The following CRYAB variants were observed in gnomAD, a reference collection of about 807,000 sequenced individuals.
The protein encoded by CRYAB is crystallin alpha B, also known as alpha-crystallin B chain.
A neutral mutation model predicts 12.7 loss-of-function variants in CRYAB; 9 were observed. The observed-to-expected ratio is 0.71, with a 90% CI of 0.43 to 1.24. The LOEUF (loss-of-function observed/expected upper bound fraction) is 1.24. Among genes scored for constraint, CRYAB ranks in the 50% most tolerant of loss-of-function variants. The pLI, the probability that CRYAB is intolerant of heterozygous loss-of-function variation, is 0.00. For synonymous variants in CRYAB, 93 were observed against 86.8 expected (o/e 1.07, Z -0.40); for missense variants, 183 against 226.6 (o/e 0.81, Z 1.24).
At chr11:111,913,847 G>A (rs375687384), upstream of CRYAB, 24 of 1,613,426 alleles carry the variant, frequency 1.5e-5, no homozygotes, top group Middle Eastern at 3.3e-4. Flanking sequence ...TGCTCCCTGC[G>A]CCTCCTGATC....
upstream of CRYAB, chr11:111,913,008 C>A (rs1204532518): frequency 2.0e-6 from 2 of 1,014,228 alleles, no homozygotes; most frequent in Non-Finnish European, 3.0e-6. Context: ...GGCCTCCACC[C>A]CACTCTGGGC....
chr11:111,915,090 A>T (rs1965577947), upstream of CRYAB, among the ~76,000 whole-genome samples: 1 of 152,122 alleles, frequency 6.6e-6, no homozygotes, highest in Admixed American at 6.5e-5. Context: ...AATTGAATTG[A>T]ATTAAATTAA....
At chr11:111,922,410 T>C (rs1479604157) in intron 1 of CRYAB, among the ~76,000 whole-genome samples, 2 of 152,358 alleles carry the variant, frequency 1.3e-5, no homozygotes, top group East Asian at 3.9e-4. Context: ...TCTTTATTGT[T>C]ATTGTTTCTG....
chr11:111,912,734 C>A, upstream of CRYAB: 1 of 932,180 alleles, frequency 1.1e-6, no homozygotes, highest in East Asian at 2.7e-5. Flanking sequence ...CCGCCCCCAC[C>A]TCCTATCGAG....
chr11:111,914,765 C>A (rs1384298049), upstream of CRYAB, among the ~76,000 whole-genome samples: 2 of 152,172 alleles, frequency 1.3e-5, no homozygotes, highest in Non-Finnish European at 2.9e-5. Context: ...TAGATACCTA[C>A]AATTCTTCCA....
chr11:111,921,723 G>C (rs1224439395), intron 1 of CRYAB, among the ~76,000 whole-genome samples: 5 of 152,080 alleles, frequency 3.3e-5, no homozygotes, highest in African/African-American at 1.2e-4. Flanking sequence ...GTCATTAGTG[G>C]TCAACTTTTA....
chr11:111,919,004 G>GGTGA, intron 1 of CRYAB: 2 of 1,614,190 alleles, frequency 1.2e-6, no homozygotes, highest in Non-Finnish European at 1.7e-6. Flanking sequence ...GGAGGAAGCT[G>GGTGA]GTGAGTAGGC....
chr11:111,914,200 G>A (rs369963032), upstream of CRYAB: 2 of 309,164 alleles, frequency 6.5e-6, no homozygotes, highest in South Asian at 7.5e-5. Context: ...TGTGCCCAAC[G>A]TCATAGGACC....
chr11:111,921,811 T>A (rs1555166589), intron 1 of CRYAB, among the ~76,000 whole-genome samples: 1 of 152,054 alleles, frequency 6.6e-6, no homozygotes, highest in Non-Finnish European at 1.5e-5. Flanking sequence ...AATAATCCCA[T>A]GAGGTCTGAA....
chr11:111,913,817 C>G, upstream of CRYAB: 1 of 1,614,172 alleles, frequency 6.2e-7, no homozygotes, highest in African/African-American at 1.3e-5. Flanking sequence ...ACACAGAGGT[C>G]AATGAGGTCT....
upstream of CRYAB, chr11:111,913,920 A>T (rs1555165935): frequency 1.9e-6 from 3 of 1,571,956 alleles, no homozygotes. Flanking sequence ...GCACCCAGCA[A>T]ATCCCTCTCT....
chr11:111,910,742 C>T, intron 1 of CRYAB: 1 of 472,382 alleles, frequency 2.1e-6, no homozygotes, highest in Non-Finnish European at 3.9e-6. Context: ...CATCTGCTGC[C>T]TCTCTGACTC....
At chr11:111,912,924 G>A, upstream of CRYAB, 2 of 1,597,334 alleles carry the variant, frequency 1.3e-6, no homozygotes, top group East Asian at 2.3e-5. Flanking sequence ...TTCGGAGAAG[G>A]TATGGCACAG....
In CRYAB at chr11:111,910,314, A is replaced by C. The variant is rs370222107; in HGVS notation, c.324+13T>G. 1 of 1,614,184 alleles carries C rather than the reference A, an allele frequency of 6.2e-7. No individual in the cohort carries two copies. Among genetic ancestry groups the C allele is most frequent in the Non-Finnish European group, 8.5e-7 (1 of 1,180,044 alleles). On this transcript the variant is annotated intron_variant, in intron 2 of 2. Coordinates refer to ENST00000650687, the MANE Select transcript of CRYAB (RefSeq NM_001289808.2). The stretch of plus-strand genomic sequence containing the variant: ...GAATGAATGAGCAGAAAACAAAAAA[A>C]CAAGCTACATACCTGGCGCTCTTCA...
chr11:111,919,698 G>A (rs978086639), intron 1 of CRYAB, among the ~76,000 whole-genome samples: 2 of 152,102 alleles, frequency 1.3e-5, no homozygotes, highest in Non-Finnish European at 2.9e-5. Flanking sequence ...GAGGTAAATG[G>A]TTTTGCCCCT....
chr11:111,913,534 G>A (rs782777418), upstream of CRYAB: 16 of 1,614,006 alleles, frequency 9.9e-6, no homozygotes, highest in Non-Finnish European at 1.4e-5. Context: ...AGCAGGGCAG[G>A]GGCCTCCGAG....
chr11:111,912,768 G>A, upstream of CRYAB: 1 of 1,348,198 alleles, frequency 7.4e-7, no homozygotes, highest in South Asian at 1.3e-5. Context: ...GGCAGCTGGA[G>A]GGGTCGCGCT....
chr11:111,915,066 C>A (rs1965577049), upstream of CRYAB, among the ~76,000 whole-genome samples: 1 of 151,842 alleles, frequency 6.6e-6, no homozygotes, highest in African/African-American at 2.4e-5. Flanking sequence ...TGAGACCCTG[C>A]CTCAAAAAAA....
At chr11:111,917,388 G>A (rs1272709058), upstream of CRYAB, among the ~76,000 whole-genome samples, 2 of 152,146 alleles carry the variant, frequency 1.3e-5, no homozygotes, top group African/African-American at 4.8e-5. Flanking sequence ...CATGGAAGAA[G>A]CATGGCCATG....
Sources: allele counts gnomAD v4.1 joint callset (sites outside exome capture counted in the v4.1 genomes callset), GRCh38; gene constraint gnomAD v4.1.1; transcripts MANE v1.5; gene names NCBI Gene and HGNC (gene_info 2026-07-23, HGNC 2026-07-21).